Variants in ZMIZ1 observed in about 807,000 individuals in gnomAD.
ZMIZ1 encodes zinc finger MIZ-type containing 1.
ZMIZ1 carries 17 observed loss-of-function variants against 113.9 expected under a neutral mutation model. That is an observed-to-expected ratio of 0.15 (90% CI 0.10 to 0.22). The LOEUF is 0.22. Among genes scored for constraint, ZMIZ1 ranks in the 10% least tolerant of loss-of-function variants. ZMIZ1 has a pLI of 1.00. For missense variants in ZMIZ1, 1,059 were observed against 1,477.8 expected, an observed-to-expected ratio of 0.72 and a Z score of 4.65; for synonymous variants, 607 against 603.1, an observed-to-expected ratio of 1.01 and a Z score of -0.09.
chr10:79,230,671 TC>T (rs1414976678), intron 7 of ZMIZ1, among the ~76,000 whole-genome samples: 2 of 152,114 alleles, frequency 1.3e-5, no homozygotes, highest in African/African-American at 4.8e-5. Flanking sequence ...ACTGTTGAGC[TC>T]CCTGGGGAAG....
intron 8 of ZMIZ1, among the ~76,000 whole-genome samples, chr10:79,287,784 C>T (rs922971204): frequency 1.3e-5 from 2 of 152,220 alleles, no homozygotes; most frequent in African/African-American, 2.4e-5. Flanking sequence ...GAGGTATCAT[C>T]TGATGCCCAT....
At chr10:79,109,642 G>T (rs948091818) in intron 1 of ZMIZ1, among the ~76,000 whole-genome samples, 1 of 152,158 alleles carries the variant, frequency 6.6e-6, no homozygotes, top group South Asian at 2.1e-4. Flanking sequence ...CTATGCACTC[G>T]CCCATATTCT....
intron 4 of ZMIZ1, among the ~76,000 whole-genome samples, chr10:79,174,398 G>A (rs1589377428): frequency 6.6e-6 from 1 of 152,246 alleles, no homozygotes; most frequent in Admixed American, 6.5e-5. Context: ...ATGAGTAGGA[G>A]AAGTGGCAGG....
Position 79,296,406 on chromosome 10 carries a change from T to G in ZMIZ1, c.1231-65T>G. The G allele has an allele frequency of 6.4e-7, 1 of 1,570,578 alleles. No homozygotes were observed. ...GGCGGGCCCCATCCCGTTGTTCAGGTGACCTGGCTATGTGACGTTGGCAAC... is the reference window on the plus strand; with the variant it reads ...GGCGGGCCCCATCCCGTTGTTCAGGGGACCTGGCTATGTGACGTTGGCAAC... On this transcript the variant is annotated intron_variant, in intron 12 of 24. Coordinates refer to ENST00000334512, the MANE Select transcript of ZMIZ1 (RefSeq NM_020338.4). The surrounding 1 kb of genome is among the most constrained non-coding windows in gnomAD (Gnocchi z 4.1).
At chr10:79,089,741 G>T (rs1842932472) in intron 1 of ZMIZ1, among the ~76,000 whole-genome samples, 1 of 151,964 alleles carries the variant, frequency 6.6e-6, no homozygotes, top group Non-Finnish European at 1.5e-5. Flanking sequence ...CCTGGGCAGG[G>T]CCAGTCCTAC....
At position 79,307,491 on chromosome 10, in the gene ZMIZ1, C is replaced by A. The variant is rs1453295612; in HGVS notation, c.2755C>A (p.Pro919Thr). 1 of 1,608,384 alleles carries A rather than the reference C, an allele frequency of 6.2e-7. No individual in the cohort carries two copies. Among genetic ancestry groups the A allele is most frequent in the Non-Finnish European group, 8.5e-7 (1 of 1,175,310 alleles). Residue 919 changes from proline to threonine, a missense_variant, in exon 23 of 25, where the codon CCC becomes ACC. By Grantham distance (38) the Pro-to-Thr change is conservative (BLOSUM62 -1). This residue lies in a region of ZMIZ1 where 225 missense variants were observed against 276.0 expected (regional missense o/e 0.82). Coordinates refer to ENST00000334512, the MANE Select transcript of ZMIZ1 (RefSeq NM_020338.4). ...TSMNDFMHGP[P>T]QLSHPPDMPN... The stretch of plus-strand genomic sequence containing the variant: ...CATGAATGACTTCATGCACGGGCCC[C>A]CCCAGCTCTCCCACCCCCCGGACAT...
chr10:79,171,235 G>A lies in ZMIZ1; in HGVS notation c.-50+9102G>A, dbSNP rs990714756. On this transcript the variant is annotated intron_variant, in intron 4 of 24. Transcript: ENST00000334512. The stretch of plus-strand genomic sequence containing the variant: ...GCTGGCCCTGTCCTGATGAGATCTC[G>A]TTTGAGGCAGCTGGGTCTGGGCTAA... Among the ~76,000 whole-genome samples the A allele has an allele frequency of 1.4e-4, 22 of 152,256 alleles. 1 individual carries two copies. Among genetic ancestry groups the A allele is most frequent in the Admixed American group, 9.8e-4 (15 of 15,290 alleles).
At chr10:79,180,095 C>T (rs926549598) in intron 4 of ZMIZ1, among the ~76,000 whole-genome samples, 2 of 152,184 alleles carry the variant, frequency 1.3e-5, no homozygotes, top group Admixed American at 1.3e-4. Context: ...ATGAAGGAGA[C>T]AGGTGGAGAG....
At chr10:79,297,954 A>G (rs1854018320) in intron 14 of ZMIZ1, among the ~76,000 whole-genome samples, 1 of 152,130 alleles carries the variant, frequency 6.6e-6, no homozygotes, top group Non-Finnish European at 1.5e-5. Flanking sequence ...CCTGGGCCCC[A>G]GATTCTGCAG....
At chr10:79,106,033 C>T (rs568630634) in intron 1 of ZMIZ1, among the ~76,000 whole-genome samples, 66 of 152,326 alleles carry the variant, frequency 4.3e-4, no homozygotes, top group African/African-American at 1.3e-3. Context: ...CTCCCTAAGA[C>T]GGTGGGGCTA....
At chr10:79,075,341 G>A (rs1456238504) in intron 1 of ZMIZ1, among the ~76,000 whole-genome samples, 2 of 152,244 alleles carry the variant, frequency 1.3e-5, no homozygotes, top group East Asian at 3.8e-4. Flanking sequence ...GCTGGTAGCA[G>A]TGGAGCATCA....
At chr10:79,240,583 A>G (rs1174103391) in intron 7 of ZMIZ1, among the ~76,000 whole-genome samples, 1 of 143,400 alleles carries the variant, frequency 7.0e-6, no homozygotes, top group Non-Finnish European at 1.5e-5. Flanking sequence ...TGGTGAATGG[A>G]TGCTTGAAAA....
At chr10:79,114,170 G>A (rs1027902656) in intron 1 of ZMIZ1, among the ~76,000 whole-genome samples, 2 of 152,236 alleles carry the variant, frequency 1.3e-5, no homozygotes, top group African/African-American at 2.4e-5. Flanking sequence ...CCAGGTTGCC[G>A]GAGTGATCAC....
chr10:79,185,340 A>T (rs1393881845), intron 4 of ZMIZ1, among the ~76,000 whole-genome samples: 1 of 152,224 alleles, frequency 6.6e-6, no homozygotes, highest in Non-Finnish European at 1.5e-5. Flanking sequence ...ACGATAGAAA[A>T]TGCAATCTGC....
At chr10:79,301,721 G>C (rs572346493) in intron 17 of ZMIZ1, among the ~76,000 whole-genome samples, 137 of 152,160 alleles carry the variant, frequency 9.0e-4, no homozygotes, top group Non-Finnish European at 1.7e-3. Flanking sequence ...GGCGGCTGAT[G>C]GGTGGACGTT....
At chr10:79,156,295 CT>C (rs1234748084) in intron 3 of ZMIZ1, among the ~76,000 whole-genome samples, 1 of 152,176 alleles carries the variant, frequency 6.6e-6, no homozygotes, top group Admixed American at 6.5e-5. Flanking sequence ...AGTTCTCACT[CT>C]TTGGGTCCCC....
chr10:79,207,008 A>G (rs1474162811), intron 5 of ZMIZ1, among the ~76,000 whole-genome samples: 1 of 152,244 alleles, frequency 6.6e-6, no homozygotes, highest in Non-Finnish European at 1.5e-5. Flanking sequence ...ATGTTCTGTC[A>G]TATCCCCATT....
intron 7 of ZMIZ1, among the ~76,000 whole-genome samples, chr10:79,218,538 C>A (rs56987114): frequency 0.043 from 6,584 of 151,706 alleles, 349 homozygotes; most frequent in African/African-American, 0.12. Flanking sequence ...TACTTCTTGA[C>A]CCCTAGTCTA....
rs139229636 is a variant in ZMIZ1, at chr10:79,077,850, A to G, written c.-337+8580A>G. Among the ~76,000 whole-genome samples, 756 of 152,368 alleles carry G rather than the reference A, an allele frequency of 5.0e-3. 7 individuals carry two copies. Among genetic ancestry groups the G allele is most frequent in the South Asian group, 0.015 (74 of 4,830 alleles). On this transcript the variant is annotated intron_variant, in intron 1 of 24. Transcript: ENST00000334512. ...TCCTGGCACATAGTAAGTGCTCAAG[A>G]AAAGGTAGCCCTAGTCATGGTCACC...
Sources: allele counts gnomAD v4.1 joint callset (sites outside exome capture counted in the v4.1 genomes callset), GRCh38; gene constraint gnomAD v4.1.1; regional missense constraint gnomAD v4.1.1; non-coding constraint Gnocchi (gnomAD v3.1); transcripts MANE v1.5; gene names NCBI Gene and HGNC (gene_info 2026-07-23, HGNC 2026-07-21).